ATAD2B: variants seen among roughly 807,000 people sequenced by gnomAD.
The protein encoded by ATAD2B is ATPase family AAA domain containing 2B, also known as ATPase family AAA domain-containing protein 2B.
A neutral mutation model predicts 167.6 loss-of-function variants in ATAD2B; 40 were observed. The observed-to-expected ratio is 0.24, with a 90% CI of 0.19 to 0.31. ATAD2B has a LOEUF of 0.31. Among genes scored for constraint, ATAD2B ranks in the 10% least tolerant of loss-of-function variants. The pLI, the probability that ATAD2B is intolerant of heterozygous loss-of-function variation, is 1.00. For synonymous variants in ATAD2B, 579 were observed against 596.5 expected, an observed-to-expected ratio of 0.97 and a Z score of 0.43; for missense variants, 1,242 against 1,757.2, an observed-to-expected ratio of 0.71 and a Z score of 5.24.
intron 1 of ATAD2B, among the ~76,000 whole-genome samples, chr2:23,906,091 C>T (rs920038052): frequency 1.3e-5 from 2 of 152,208 alleles, no homozygotes; most frequent in Middle Eastern, 6.8e-3. Flanking sequence ...AATCCCGATA[C>T]TTTGGGAAGC....
rs1572695199 is a variant in ATAD2B at position 23,773,948 on chromosome 2, T to C, written c.3134-8320A>G. ...TATAGATGAGTATCTATAAAATTAA[T>C]AGAAGCAGTACTTTAATGAATGTAA... On this transcript the variant is annotated intron_variant, in intron 22 of 27. Transcript: ENST00000238789. Among the ~76,000 whole-genome samples the C allele has an allele frequency of 2.0e-5, 3 of 152,218 alleles. 1 individual carries two copies. In the South Asian group the frequency reaches 6.2e-4, roughly 31 times the overall value.
intron 25 of ATAD2B, among the ~76,000 whole-genome samples, chr2:23,755,693 C>G (rs1466670484): frequency 6.6e-6 from 1 of 152,156 alleles, no homozygotes; most frequent in East Asian, 1.9e-4. Flanking sequence ...CCTCTTATTT[C>G]TTACTCCCAA....
the ATAD2B span, among the ~76,000 whole-genome samples, chr2:23,733,006 T>A: frequency 6.6e-6 from 1 of 152,204 alleles, no homozygotes; most frequent in Non-Finnish European, 1.5e-5. Context: ...ATAGGGCCGA[T>A]ATCAAAATTA....
At chr2:23,701,628 G>A in the ATAD2B span, among the ~76,000 whole-genome samples, 22 of 151,910 alleles carry the variant, frequency 1.4e-4, no homozygotes, top group East Asian at 3.9e-3. Flanking sequence ...TGGGAGAATT[G>A]TTTAAGCCCA....
chr2:23,781,376 A>T (rs112254593), intron 22 of ATAD2B, among the ~76,000 whole-genome samples: 8,249 of 147,344 alleles, frequency 0.056, 281 homozygotes, highest in African/African-American at 0.11. Context: ...AAATAAATAA[A>T]TAATCAGGCT....
rs534993807 is a variant in ATAD2B at position 23,888,974 on chromosome 2, A to G, written c.369-575T>C. ...AAGTTACTAAAAAGGCCATCAAAAC[A>G]TGAGGACTAGGAAAAAGTCACCATA... On this transcript the variant is annotated intron_variant, in intron 2 of 27. Coordinates refer to ENST00000238789, the MANE Select transcript of ATAD2B (RefSeq NM_017552.4). 3.3e-5 allele frequency among the ~76,000 whole-genome samples: 5 copies of G among 152,350 alleles called. No homozygotes were observed. In the East Asian group the frequency reaches 7.7e-4, roughly 23 times the overall value.
chr2:23,878,924 A>C (rs1358867827), intron 7 of ATAD2B, among the ~76,000 whole-genome samples: 1 of 152,210 alleles, frequency 6.6e-6, no homozygotes, highest in Non-Finnish European at 1.5e-5. Context: ...AAAACAAATG[A>C]AAAGATGCTC....
chr2:23,721,157 G>A, the ATAD2B span, among the ~76,000 whole-genome samples: 1 of 152,160 alleles, frequency 6.6e-6, no homozygotes, highest in South Asian at 2.1e-4. Flanking sequence ...TACCCCTCAA[G>A]CCTCCAAGCA....
intron 18 of ATAD2B, among the ~76,000 whole-genome samples, chr2:23,799,570 CA>C (rs763947000): frequency 4.9e-4 from 20 of 40,528 alleles, no homozygotes; most frequent in Middle Eastern, 0.018. Flanking sequence ...GACTCCATCT[CA>C]AAAAAAAAAA....
chr2:23,770,681 T>C (rs968359382), intron 22 of ATAD2B, among the ~76,000 whole-genome samples: 3 of 152,240 alleles, frequency 2.0e-5, no homozygotes, highest in Non-Finnish European at 2.9e-5. Flanking sequence ...TTCAGGACTC[T>C]ATCCTATTCC....
At chr2:23,887,736 T>C (rs1004906563) in intron 4 of ATAD2B, 96 bp downstream of exon 4, 11 of 1,136,902 alleles carry the variant, frequency 9.7e-6, no homozygotes, top group Non-Finnish European at 1.3e-5. Flanking sequence ...AGAACTGTAT[T>C]GATTGCTAAG....
At chr2:23,908,017 A>C (rs997439083) in intron 1 of ATAD2B, among the ~76,000 whole-genome samples, 5 of 152,110 alleles carry the variant, frequency 3.3e-5, no homozygotes, top group African/African-American at 9.7e-5. Context: ...TAAGCGTTAG[A>C]CCTAAAACCA....
intron 8 of ATAD2B, among the ~76,000 whole-genome samples, chr2:23,874,354 C>T (rs1696481915): frequency 6.6e-6 from 1 of 151,992 alleles, no homozygotes; most frequent in Non-Finnish European, 1.5e-5. Context: ...TCTGAGTTGG[C>T]AATGGATTCT....
chr2:23,912,272 G>A (rs1326312143), intron 1 of ATAD2B, among the ~76,000 whole-genome samples: 1 of 152,054 alleles, frequency 6.6e-6, no homozygotes, highest in African/African-American at 2.4e-5. Context: ...CAAGGTGGGA[G>A]GATCGCTTGA....
At chr2:23,792,090 T>G (rs916951880) in intron 19 of ATAD2B, among the ~76,000 whole-genome samples, 1 of 150,956 alleles carries the variant, frequency 6.6e-6, no homozygotes, top group Admixed American at 6.6e-5. Context: ...TGAGACGGAG[T>G]CTTGCTCTGT....
At chr2:23,843,046 C>A (rs2149822108) in intron 13 of ATAD2B, among the ~76,000 whole-genome samples, 1 of 152,204 alleles carries the variant, frequency 6.6e-6, no homozygotes, top group Non-Finnish European at 1.5e-5. Context: ...ATGAGATAAA[C>A]CAAATGTTGA....
At chr2:23,713,399 G>T in the ATAD2B span, among the ~76,000 whole-genome samples, 3 of 111,740 alleles carry the variant, frequency 2.7e-5, no homozygotes, top group East Asian at 1.2e-3. Flanking sequence ...CTTTTTTATG[G>T]AGGTTTTTTT....
In ATAD2B at chr2:23,787,046, GA is replaced by G. The variant is rs367703424; in HGVS notation, c.2777-824del. ...TGAATGGCACCTGCAGGAAGGGAGG[GA>G]AAAAAAAAAAAAGGAACTAAAAAAA... On this transcript the variant is annotated intron_variant, in intron 20 of 27. Transcript: ENST00000238789. Among the ~76,000 whole-genome samples the G allele has an allele frequency of 7.4e-3, 1,005 of 135,930 alleles. 10 individuals are homozygous for G. The highest frequency in any genetic ancestry group is 0.023 in the African/African-American group (836 of 36,990). 89.2% of individuals were successfully genotyped at this position (135,930 alleles called of 152,430 possible). A position where few individuals can be genotyped will look rare whatever the true frequency, so the allele number is the denominator to read the frequency against.
At chr2:23,808,220 T>A (rs911032693) in intron 18 of ATAD2B, among the ~76,000 whole-genome samples, 3 of 141,056 alleles carry the variant, frequency 2.1e-5, no homozygotes, top group Non-Finnish European at 3.0e-5. Flanking sequence ...TATATATATA[T>A]AAAGTAAATA....
Sources: gnomAD v4.1 joint callset for allele counts (sites outside exome capture counted in the v4.1 genomes callset) on GRCh38, gnomAD v4.1.1 for gene constraint, MANE v1.5 for transcripts, NCBI Gene and HGNC (gene_info 2026-07-23, HGNC 2026-07-21) for gene names.